The following NKAP variants were observed in gnomAD, a reference collection of about 807,000 sequenced individuals.
NKAP encodes the protein NF-kappa-B-activating protein.
NKAP carries 4 observed loss-of-function variants against 35.6 expected under a neutral mutation model. The ratio of observed to expected loss-of-function variants is 0.11; its 90% confidence interval spans 0.06 to 0.26. The LOEUF is 0.26. Ranked by LOEUF, NKAP falls within the 10% of genes least tolerant of loss-of-function variation. The probability of loss-of-function intolerance (pLI) is 1.00; values close to 1 mark genes in which losing one functional copy is unlikely to be tolerated. For missense variants in NKAP, 238 were observed against 321.9 expected (o/e 0.74, Z 1.99); for synonymous variants, 106 against 119.2 (o/e 0.89, Z 0.72).
chrX:119,943,668 T>G lies in NKAP; in HGVS notation c.-63A>C. On this transcript the variant is annotated 5_prime_UTR_variant, in exon 1 of 9. Coordinates refer to ENST00000371410, the MANE Select transcript of NKAP (RefSeq NM_024528.4). The stretch of plus-strand genomic sequence containing the variant: ...GCGCTCTCGCGAGCCTAGGAAGATG[T>G]CTGTTGCCTTGGTTCCCGGGACCTG... 9.0e-7 allele frequency: 1 copy of G among 1,105,598 alleles called. No individual in the cohort carries two copies. The highest frequency in any genetic ancestry group is 1.2e-6 in the Non-Finnish European group (1 of 843,074). 91.1% of individuals were successfully genotyped at this position (1,105,598 alleles called of 1,213,427 possible). A position where few individuals can be genotyped will look rare whatever the true frequency, so the allele number is the denominator to read the frequency against.
chrX:119,932,224 G>A lies in NKAP; in HGVS notation c.738-8C>T, dbSNP rs752313313. The stretch of plus-strand genomic sequence containing the variant: ...TTTTTCTTATATTTCTTCCTATAGG[G>A]ATTTTAATTTGATACAAATTCACTT... On this transcript the variant is annotated splice_region_variant and splice_polypyrimidine_tract_variant and intron_variant, in intron 5 of 8. Transcript: ENST00000371410. 12 of 1,111,061 alleles carry A rather than the reference G, an allele frequency of 1.1e-5. No homozygotes were observed. The African/African-American group carries it at 1.7e-4, about 15-fold the overall frequency. The allele number at this position is 1,111,061 out of a possible 1,213,427, so 91.6% of individuals were successfully genotyped here. A position where few individuals can be genotyped will look rare whatever the true frequency, so the allele number is the denominator to read the frequency against.
In NKAP at chrX:119,923,463, T is replaced by C. The variant is rs889869843; in HGVS notation, c.*1757A>G. On this transcript the variant is annotated 3_prime_UTR_variant, in exon 9 of 9. Coordinates refer to ENST00000371410, the MANE Select transcript of NKAP (RefSeq NM_024528.4). ...TATTTAATATCATTTTAGTTTCTCT[T>C]ATGAAACAATTAAGCTAAAATACTG... The C allele has an allele frequency of 8.9e-6, 1 of 112,263 alleles. No individual in the cohort carries two copies. Among genetic ancestry groups the C allele is most frequent in the Non-Finnish European group, 1.9e-5 (1 of 53,298 alleles). The allele number at this position is 112,263 out of a possible 1,213,427, so 9.3% of individuals were successfully genotyped here.
In NKAP at chrX:119,921,606, A is replaced by G. The variant is rs2147841195; in HGVS notation, c.*3614T>C. ...CAACTGATTTATGGCTCAGGTGACT[A>G]AACACAATTTGAAGCAGTAACAACA... On this transcript the variant is annotated 3_prime_UTR_variant, in exon 9 of 9. Transcript: ENST00000371410. 1 of 108,537 alleles carries G rather than the reference A, an allele frequency of 9.2e-6. No homozygotes were observed. The highest frequency in any genetic ancestry group is 2.9e-4 in the East Asian group (1 of 3,464). 8.9% of individuals were successfully genotyped at this position (108,537 alleles called of 1,213,427 possible). A position where few individuals can be genotyped will look rare whatever the true frequency, so the allele number is the denominator to read the frequency against.
rs2056766110 is a variant in NKAP, at chrX:119,936,364, C to T, written c.606G>A (p.Ser202=). 3 of 1,192,244 alleles carry T rather than the reference C, an allele frequency of 2.5e-6. No homozygotes were observed. Among genetic ancestry groups the T allele is most frequent in the African/African-American group, 3.6e-5 (2 of 55,947 alleles). The change falls in exon 4 of 9, where the codon TCG becomes TCA. Residue 202 remains serine, a synonymous_variant. Coordinates refer to ENST00000371410, the MANE Select transcript of NKAP (RefSeq NM_024528.4). The part of the protein sequence containing the change: ...RSKKRRKKKS[S]KRKHKKYSED... ...CAGAATACTTCTTATGTTTTCTTTT[C>T]GATGATTTTTTCTTTCTCCTTTTCT... is the stretch of plus-strand genomic sequence containing the variant.
rs957519878 is a variant in NKAP, at chrX:119,921,284, C to T, written c.*3936G>A. Reference sequence around the variant, plus strand: ...TTGTTCCTACCTTCCCTGTGAACCTCTCTTGCCTGGCTGCAAAATTTTAAG... The same window carrying T: ...TTGTTCCTACCTTCCCTGTGAACCTTTCTTGCCTGGCTGCAAAATTTTAAG... On this transcript the variant is annotated 3_prime_UTR_variant, in exon 9 of 9. Transcript: ENST00000371410. 3.6e-5 allele frequency: 4 copies of T among 110,470 alleles called. No homozygotes were observed. Among genetic ancestry groups the T allele is most frequent in the Non-Finnish European group, 7.6e-5 (4 of 52,957 alleles). The allele number at this position is 110,470 out of a possible 1,213,427, so 9.1% of individuals were successfully genotyped here. A position where few individuals can be genotyped will look rare whatever the true frequency, so the allele number is the denominator to read the frequency against.
rs2056806763 is a variant in NKAP, at chrX:119,943,746, T to C, written c.-141A>G. On this transcript the variant is annotated 5_prime_UTR_variant, in exon 1 of 9. Coordinates refer to ENST00000371410, the MANE Select transcript of NKAP (RefSeq NM_024528.4). ...AAACCTTGGACACAGTTCTGGGTAC[T>C]TCTGCAAAACCCTTCCCCGGATCTA... is the stretch of plus-strand genomic sequence containing the variant. 4.3e-6 allele frequency: 3 copies of C among 697,374 alleles called. No homozygotes were observed. In the Admixed American group the frequency reaches 1.4e-4, roughly 33 times the overall value. The allele number at this position is 697,374 out of a possible 1,213,427, so 57.5% of individuals were successfully genotyped here.
intron 2 of NKAP, 35 bp downstream of exon 2, chrX:119,938,695 A>G (rs756353181): frequency 1.7e-5 from 17 of 982,838 alleles, no homozygotes; most frequent in Non-Finnish European, 2.3e-5. Flanking sequence ...AACACATATT[A>G]TAACATTTTA....
chrX:119,925,150 T>C lies in NKAP; in HGVS notation c.*70A>G. ...CTTTCTCAGAACATAATAATCTTTTTCTATGTATGTGTGGAACCCAGACTT... is the reference window on the plus strand; with the variant it reads ...CTTTCTCAGAACATAATAATCTTTTCCTATGTATGTGTGGAACCCAGACTT... On this transcript the variant is annotated 3_prime_UTR_variant, in exon 9 of 9. Transcript: ENST00000371410. The C allele has an allele frequency of 9.5e-7, 1 of 1,056,284 alleles. No individual in the cohort carries two copies. The highest frequency in any genetic ancestry group is 3.0e-5 in the East Asian group (1 of 33,233). The allele number at this position is 1,056,284 out of a possible 1,213,427, so 87.0% of individuals were successfully genotyped here. A position where few individuals can be genotyped will look rare whatever the true frequency, so the allele number is the denominator to read the frequency against.
chrX:119,940,403 CCT>C lies in NKAP; in HGVS notation c.387-1595_387-1594del, dbSNP rs1341537909. Among the ~76,000 whole-genome samples the C allele has an allele frequency of 3.2e-3, 342 of 107,912 alleles. 3 individuals are homozygous for C. Among genetic ancestry groups the C allele is most frequent in the Admixed American group, 5.2e-3 (52 of 10,066 alleles). 93.7% of individuals were successfully genotyped at this position (107,912 alleles called of 115,157 possible). ...ACTCAATGAGATACAAGGTTTGTTCCCTCTCTGTTTTCCTTTTAGTTCCTTTT... is the reference window on the plus strand; with the variant it reads ...ACTCAATGAGATACAAGGTTTGTTCCCTCTGTTTTCCTTTTAGTTCCTTTT... On this transcript the variant is annotated intron_variant, in intron 1 of 8. Transcript: ENST00000371410.
intron 7 of NKAP, among the ~76,000 whole-genome samples, 196 bp downstream of exon 7, chrX:119,931,740 T>A (rs904083870): frequency 9.1e-6 from 1 of 110,189 alleles, no homozygotes; most frequent in African/African-American, 3.3e-5. Context: ...AGGGAAGGCA[T>A]ACTGGATGAA....
At position 119,943,738 on chromosome X, in the gene NKAP, C is replaced by G; in HGVS notation, c.-133G>C. ...ATCTGAGGAAACCTTGGACACAGTTCTGGGTACTTCTGCAAAACCCTTCCC... is the reference window on the plus strand; with the variant it reads ...ATCTGAGGAAACCTTGGACACAGTTGTGGGTACTTCTGCAAAACCCTTCCC... On this transcript the variant is annotated 5_prime_UTR_variant, in exon 1 of 9. Transcript: ENST00000371410. The G allele has an allele frequency of 1.4e-6, 1 of 728,057 alleles. No individual in the cohort carries two copies. The highest frequency in any genetic ancestry group is 3.7e-5 in the East Asian group (1 of 27,165). 60.0% of individuals were successfully genotyped at this position (728,057 alleles called of 1,213,427 possible). A position where few individuals can be genotyped will look rare whatever the true frequency, so the allele number is the denominator to read the frequency against.
chrX:119,928,270 A>C (rs190937218), intron 8 of NKAP, among the ~76,000 whole-genome samples: 15 of 112,339 alleles, frequency 1.3e-4, no homozygotes, highest in Non-Finnish European at 2.1e-4. Flanking sequence ...ACTGTATTGA[A>C]TACACAATCT....
chrX:119,925,021 G>C lies in NKAP; in HGVS notation c.*199C>G, dbSNP rs890809676. 4.4e-6 allele frequency: 2 copies of C among 450,297 alleles called. No individual in the cohort carries two copies. Among genetic ancestry groups the C allele is most frequent in the African/African-American group, 4.9e-5 (2 of 40,471 alleles). 37.1% of individuals were successfully genotyped at this position (450,297 alleles called of 1,213,427 possible). A position where few individuals can be genotyped will look rare whatever the true frequency, so the allele number is the denominator to read the frequency against. ...ATTTTTAAACCAGAAAGTTACTATGGTCAATCCAAAATAACCCAAAGAACT... is the reference window on the plus strand; with the variant it reads ...ATTTTTAAACCAGAAAGTTACTATGCTCAATCCAAAATAACCCAAAGAACT... On this transcript the variant is annotated 3_prime_UTR_variant, in exon 9 of 9. Transcript: ENST00000371410.
At chrX:119,926,252 G>A (rs1203958941) in intron 8 of NKAP, among the ~76,000 whole-genome samples, 2 of 109,090 alleles carry the variant, frequency 1.8e-5, no homozygotes, top group African/African-American at 6.7e-5. Flanking sequence ...CACCGCGCCT[G>A]GCCTATCCTT....
rs369058062 is a variant in NKAP, at chrX:119,936,290, T to C, written c.673+7A>G. On this transcript the variant is annotated splice_region_variant and intron_variant, in intron 4 of 8. Coordinates refer to ENST00000371410, the MANE Select transcript of NKAP (RefSeq NM_024528.4). ...CAAGGCTTGCAGAATGCTGTTGGCGTTCTTACCACTGGAGTCTGTTTCAGA... is the reference window on the plus strand; with the variant it reads ...CAAGGCTTGCAGAATGCTGTTGGCGCTCTTACCACTGGAGTCTGTTTCAGA... 2.0e-4 allele frequency: 238 copies of C among 1,202,957 alleles called. No homozygotes were observed. Among genetic ancestry groups the C allele is most frequent in the South Asian group, 9.7e-4 (54 of 55,464 alleles).
chrX:119,927,641 G>C (rs181511001), intron 8 of NKAP, among the ~76,000 whole-genome samples: 1 of 112,373 alleles, frequency 8.9e-6, no homozygotes, highest in African/African-American at 3.2e-5. Context: ...CACCACGCCC[G>C]GCCTGAATTT....
Position 119,923,974 on chromosome X carries a change from A to G in NKAP, c.*1246T>C, listed in dbSNP as rs1439598228. 3.6e-5 allele frequency: 4 copies of G among 111,796 alleles called. No individual in the cohort carries two copies. Among genetic ancestry groups the G allele is most frequent in the Admixed American group, 2.9e-4 (3 of 10,431 alleles). 9.2% of individuals were successfully genotyped at this position (111,796 alleles called of 1,213,427 possible). On this transcript the variant is annotated 3_prime_UTR_variant, in exon 9 of 9. Coordinates refer to ENST00000371410, the MANE Select transcript of NKAP (RefSeq NM_024528.4). Reference sequence around the variant, plus strand: ...CATCTCAAAAAAAACAATTTAAAATATCTAATGTTCACATTTTCAATTCAA... The same window carrying G: ...CATCTCAAAAAAAACAATTTAAAATGTCTAATGTTCACATTTTCAATTCAA...
intron 8 of NKAP, among the ~76,000 whole-genome samples, chrX:119,925,925 T>TTTTC (rs1276360060): frequency 0.021 from 1,127 of 54,157 alleles, 24 homozygotes; most frequent in African/African-American, 0.15. Context: ...TGTTATCCTT[T>TTTTC]TTTCTTTTTT....
chrX:119,932,245 C>A, intron 5 of NKAP, 29 bp from the exon 6 acceptor site: 3 of 1,035,982 alleles, frequency 2.9e-6, no homozygotes, highest in Non-Finnish European at 4.0e-6. Context: ...GATACAAATT[C>A]ACTTAATCTT....
Sources: gnomAD v4.1 joint callset for allele counts (sites outside exome capture counted in the v4.1 genomes callset) on GRCh38, gnomAD v4.1.1 for gene constraint, MANE v1.5 for transcripts, NCBI Gene and HGNC (gene_info 2026-07-23, HGNC 2026-07-21) for gene names.